Variants in SH3BGRL2 observed in about 807,000 individuals in gnomAD.
SH3BGRL2 encodes SH3 domain-binding glutamic acid-rich-like protein 2.
Under a neutral mutation model 14.8 loss-of-function variants are expected in SH3BGRL2, and 21 were observed. The ratio of observed to expected loss-of-function variants is 1.42; its 90% CI spans 1.01 to 2.05. The LOEUF (loss-of-function observed/expected upper bound fraction) is 2.05, where lower values mean the gene tolerates loss of function less well. Ranked by LOEUF, SH3BGRL2 falls within the 30% of genes most tolerant of loss-of-function variation. The pLI is 0.00. For synonymous variants in SH3BGRL2, 50 were observed against 47.8 expected (o/e 1.05, Z -0.19); for missense variants, 147 against 130.8 (o/e 1.12, Z -0.61).
chr6:79,548,918 A>G, the SH3BGRL2 span, among the ~76,000 whole-genome samples: 2 of 152,176 alleles, frequency 1.3e-5, no homozygotes, highest in African/African-American at 2.4e-5. Context: ...GCTAATATCA[A>G]TATGATCTTA....
In SH3BGRL2 at chr6:79,684,676, G is replaced by A. The variant is rs144149258; in HGVS notation, c.231+10877G>A. ...CATTCCCATTTTATTAATAAAGTTC[G>A]AAGCCAGATTGTTAAAAGCAATCTT... On this transcript the variant is annotated intron_variant, in intron 2 of 3. Coordinates refer to ENST00000369838, the MANE Select transcript of SH3BGRL2 (RefSeq NM_031469.4). Among the ~76,000 whole-genome samples, 630 of 152,206 alleles carry A rather than the reference G, an allele frequency of 4.1e-3. 1 individual carries two copies. The highest frequency in any genetic ancestry group is 0.015 in the African/African-American group (606 of 41,498).
At chr6:79,642,870 C>G (rs1769059174) in intron 1 of SH3BGRL2, among the ~76,000 whole-genome samples, 1 of 152,148 alleles carries the variant, frequency 6.6e-6, no homozygotes, top group African/African-American at 2.4e-5. Context: ...AGAATCCTGA[C>G]TGTGAATCTG....
rs190458943 is a variant in SH3BGRL2, at chr6:79,680,390, C to A, written c.231+6591C>A. Among the ~76,000 whole-genome samples, 103 of 152,230 alleles carry A rather than the reference C, an allele frequency of 6.8e-4. 3 individuals are homozygous for A. In the East Asian group the frequency reaches 0.015, roughly 22 times the overall value. ...ATGCTTGTCTGTTTATTTGACCATA[C>A]ACAGAAGGGTTTATTTTGGACTCTC... On this transcript the variant is annotated intron_variant, in intron 2 of 3. Transcript: ENST00000369838.
At chr6:79,585,054 T>TA in the SH3BGRL2 span, among the ~76,000 whole-genome samples, 30,755 of 148,038 alleles carry the variant, frequency 0.21, 3,485 homozygotes, top group Middle Eastern at 0.35. Flanking sequence ...CTTTTTTTTT[T>TA]AAAAAAAAAA....
chr6:79,570,462 T>C, the SH3BGRL2 span, among the ~76,000 whole-genome samples: 2 of 152,132 alleles, frequency 1.3e-5, no homozygotes, highest in African/African-American at 4.8e-5. Flanking sequence ...AAAACTCAAC[T>C]CACAGAAATA....
chr6:79,564,269 C>T, the SH3BGRL2 span, among the ~76,000 whole-genome samples: 1 of 151,426 alleles, frequency 6.6e-6, no homozygotes, highest in Admixed American at 6.6e-5. Context: ...TAAAATAAAT[C>T]AGCTGAAAAA....
At chr6:79,624,883 A>G in the SH3BGRL2 span, among the ~76,000 whole-genome samples, 3 of 152,034 alleles carry the variant, frequency 2.0e-5, no homozygotes, top group African/African-American at 4.8e-5. Context: ...ATTCAAGAAT[A>G]TGTCCTGGGT....
At chr6:79,641,643 A>G (rs1769036105) in intron 1 of SH3BGRL2, among the ~76,000 whole-genome samples, 1 of 152,214 alleles carries the variant, frequency 6.6e-6, no homozygotes, top group African/African-American at 2.4e-5. Context: ...AATGAAATGA[A>G]TGATTTTGCA....
the SH3BGRL2 span, among the ~76,000 whole-genome samples, chr6:79,544,633 C>CGA: frequency 6.6e-6 from 1 of 151,882 alleles, no homozygotes; most frequent in Non-Finnish European, 1.5e-5. Flanking sequence ...ACCCAGCAAC[C>CGA]GAGAATAGAT....
chr6:79,664,577 G>A (rs960399926), intron 1 of SH3BGRL2, among the ~76,000 whole-genome samples: 1 of 152,112 alleles, frequency 6.6e-6, no homozygotes, highest in Non-Finnish European at 1.5e-5. Flanking sequence ...CACTGTCACT[G>A]TGTTCAGTCC....
chr6:79,601,147 T>G, the SH3BGRL2 span, among the ~76,000 whole-genome samples: 1 of 152,206 alleles, frequency 6.6e-6, no homozygotes, highest in Non-Finnish European at 1.5e-5. Context: ...TTTTTCTTCC[T>G]TGTAAAAAGG....
intron 1 of SH3BGRL2, among the ~76,000 whole-genome samples, chr6:79,652,757 T>C (rs1324943987): frequency 6.6e-6 from 1 of 151,966 alleles, no homozygotes; most frequent in African/African-American, 2.4e-5. Context: ...ATTTTTTTTT[T>C]AAAGCAGGAA....
chr6:79,608,524 A>G, the SH3BGRL2 span, among the ~76,000 whole-genome samples: 3 of 152,222 alleles, frequency 2.0e-5, no homozygotes, highest in Non-Finnish European at 2.9e-5. Flanking sequence ...AGGGCTTGGC[A>G]CATGGTAACT....
At chr6:79,683,573 C>T (rs1228926779) in intron 2 of SH3BGRL2, among the ~76,000 whole-genome samples, 2 of 151,990 alleles carry the variant, frequency 1.3e-5, no homozygotes, top group Non-Finnish European at 2.9e-5. Flanking sequence ...CTCAGCCTCC[C>T]GAGTAGCTGG....
At chr6:79,575,763 C>T in the SH3BGRL2 span, among the ~76,000 whole-genome samples, 1 of 151,426 alleles carries the variant, frequency 6.6e-6, no homozygotes, top group Non-Finnish European at 1.5e-5. Flanking sequence ...CAGAAAATTC[C>T]CATATAGCTA....
rs1381468858 is a variant in SH3BGRL2 at position 79,701,077 on chromosome 6, C to A, written c.*1568C>A. 2 of 152,058 alleles carry A rather than the reference C, an allele frequency of 1.3e-5. No individual in the cohort carries two copies. The highest frequency in any genetic ancestry group is 6.6e-5 in the Admixed American group (1 of 15,266). The allele number at this position is 152,058 out of a possible 1,614,324, so 9.4% of individuals were successfully genotyped here. A position where few individuals can be genotyped will look rare whatever the true frequency, so the allele number is the denominator to read the frequency against. Reference sequence around the variant, plus strand: ...GAAATCCCAACCTGAGATTTGTAGTCCAGGATTACAACCAGAAGGAAAGTA... The same window carrying A: ...GAAATCCCAACCTGAGATTTGTAGTACAGGATTACAACCAGAAGGAAAGTA... On this transcript the variant is annotated 3_prime_UTR_variant, in exon 4 of 4. Transcript: ENST00000369838.
chr6:79,631,433 A>C lies in SH3BGRL2; in HGVS notation c.-29A>C, dbSNP rs377127319. The C allele has an allele frequency of 1.5e-4, 229 of 1,516,808 alleles. 5 individuals carry two copies. The East Asian group carries it at 3.2e-3, about 21-fold the overall frequency. The allele number at this position is 1,516,808 out of a possible 1,614,324, so 94.0% of individuals were successfully genotyped here. A position where few individuals can be genotyped will look rare whatever the true frequency, so the allele number is the denominator to read the frequency against. ...CACGCCAGCCCGGAGCCCGGGGGGC[A>C]AGGGGTCTGTCCCGGGCGCAGCGAG... On this transcript the variant is annotated 5_prime_UTR_variant, in exon 1 of 4. Coordinates refer to ENST00000369838, the MANE Select transcript of SH3BGRL2 (RefSeq NM_031469.4).
At chr6:79,582,576 T>C in the SH3BGRL2 span, among the ~76,000 whole-genome samples, 1 of 152,180 alleles carries the variant, frequency 6.6e-6, no homozygotes, top group African/African-American at 2.4e-5. Context: ...AAAAACTGAC[T>C]AGCCATATGT....
the SH3BGRL2 span, among the ~76,000 whole-genome samples, chr6:79,597,140 G>A: frequency 6.6e-6 from 1 of 151,992 alleles, no homozygotes; most frequent in Non-Finnish European, 1.5e-5. Flanking sequence ...TGAGGCACAA[G>A]AATCGCTTGA....
Sources: allele counts gnomAD v4.1 joint callset (sites outside exome capture counted in the v4.1 genomes callset), GRCh38; gene constraint gnomAD v4.1.1; transcripts MANE v1.5; gene names NCBI Gene and HGNC (gene_info 2026-07-23, HGNC 2026-07-21).